The following RAP1GDS1 variants were observed in gnomAD, a reference collection of about 807,000 sequenced individuals.
RAP1GDS1 encodes Rap1 GTPase-GDP dissociation stimulator 1.
Under a neutral mutation model 71.1 loss-of-function variants are expected in RAP1GDS1, and 35 were observed. The observed-to-expected ratio is 0.49, with a 90% confidence interval of 0.38 to 0.65. The LOEUF is 0.65. Ranked by LOEUF, RAP1GDS1 falls within the 30% of genes least tolerant of loss-of-function variation. The pLI is 0.00. For missense variants in RAP1GDS1, 663 were observed against 706.1 expected (o/e 0.94, Z 0.69); for synonymous variants, 229 against 243.1 (o/e 0.94, Z 0.54).
intron 1 of RAP1GDS1, among the ~76,000 whole-genome samples, chr4:98,281,972 G>A (rs574901639): frequency 6.6e-6 from 1 of 152,288 alleles, no homozygotes; most frequent in South Asian, 2.1e-4. Context: ...GTTGATCGTG[G>A]TAGGTAAGCT....
At chr4:98,327,143 G>A (rs577164912) in intron 2 of RAP1GDS1, among the ~76,000 whole-genome samples, 1 of 151,928 alleles carries the variant, frequency 6.6e-6, no homozygotes, top group East Asian at 1.9e-4. Flanking sequence ...TATACAAATT[G>A]TAACATTTTT....
At chr4:98,390,950 G>T (rs1366116294) in intron 5 of RAP1GDS1, among the ~76,000 whole-genome samples, 2 of 152,014 alleles carry the variant, frequency 1.3e-5, no homozygotes, top group Non-Finnish European at 2.9e-5. Context: ...AAAAGAATTT[G>T]GGGAAAATTA....
intron 6 of RAP1GDS1, among the ~76,000 whole-genome samples, chr4:98,402,492 G>T (rs1745572681): frequency 6.6e-6 from 1 of 151,676 alleles, no homozygotes; most frequent in African/African-American, 2.4e-5. Flanking sequence ...TTCCCCCTTG[G>T]CATGTGAAGT....
intron 1 of RAP1GDS1, 29 bp downstream of exon 1, chr4:98,261,598 C>T: frequency 1.3e-6 from 2 of 1,596,490 alleles, no homozygotes; most frequent in Middle Eastern, 1.7e-4. Flanking sequence ...GCCGTCATCG[C>T]CTGACATTTT....
At chr4:98,305,890 A>C (rs1194621302) in intron 2 of RAP1GDS1, among the ~76,000 whole-genome samples, 3 of 152,220 alleles carry the variant, frequency 2.0e-5, no homozygotes, top group African/African-American at 7.2e-5. Flanking sequence ...GAAAATGTGT[A>C]AGAGAGAAAT....
chr4:98,383,044 C>G (rs1742235489), intron 5 of RAP1GDS1, among the ~76,000 whole-genome samples: 1 of 151,608 alleles, frequency 6.6e-6, no homozygotes, highest in African/African-American at 2.4e-5. Flanking sequence ...AACCAGTGAT[C>G]TAAAGCAAAG....
chr4:98,261,622 G>C, intron 1 of RAP1GDS1, 53 bp downstream of exon 1: 14 of 1,566,046 alleles, frequency 8.9e-6, no homozygotes, highest in Non-Finnish European at 1.1e-5. Flanking sequence ...CTTTCTCGGC[G>C]TGCTGCAGGG....
chr4:98,291,829 T>A (rs913632839), intron 1 of RAP1GDS1, among the ~76,000 whole-genome samples: 5 of 152,144 alleles, frequency 3.3e-5, no homozygotes, highest in Admixed American at 6.6e-5. Context: ...CTTAATCAGA[T>A]AAATCAGATA....
At chr4:98,322,373 T>A in intron 2 of RAP1GDS1, among the ~76,000 whole-genome samples, 1 of 102,248 alleles carries the variant, frequency 9.8e-6, no homozygotes, top group Non-Finnish European at 2.0e-5. Context: ...AGACAGAAAG[T>A]CAACAAGGAT....
chr4:98,262,871 G>C (rs1029510663), intron 1 of RAP1GDS1, among the ~76,000 whole-genome samples: 1 of 152,198 alleles, frequency 6.6e-6, no homozygotes, highest in African/African-American at 2.4e-5. Flanking sequence ...CATATATCTG[G>C]AAGAGGCCAG....
chr4:98,300,558 C>G (rs760114244), intron 2 of RAP1GDS1, among the ~76,000 whole-genome samples: 5 of 152,038 alleles, frequency 3.3e-5, no homozygotes, highest in Admixed American at 6.6e-5. Flanking sequence ...CACCACCACA[C>G]CCAGCTAATT....
chr4:98,267,741 C>A (rs1049631624), intron 1 of RAP1GDS1, among the ~76,000 whole-genome samples: 2 of 152,086 alleles, frequency 1.3e-5, no homozygotes, highest in Non-Finnish European at 2.9e-5. Flanking sequence ...TTTATCCAAT[C>A]CACTATTGAT....
intron 2 of RAP1GDS1, among the ~76,000 whole-genome samples, chr4:98,335,865 A>G (rs1734649659): frequency 6.7e-6 from 1 of 149,346 alleles, no homozygotes; most frequent in South Asian, 2.1e-4. Context: ...ATTTTATATC[A>G]TACTTGTATA....
chr4:98,388,990 G>T (rs997265534), intron 5 of RAP1GDS1, among the ~76,000 whole-genome samples: 6 of 152,068 alleles, frequency 3.9e-5, no homozygotes, highest in African/African-American at 1.4e-4. Context: ...AAAAATTGCT[G>T]CAAAGAATAG....
chr4:98,310,951 C>G (rs1437662751), intron 2 of RAP1GDS1, among the ~76,000 whole-genome samples: 1 of 151,224 alleles, frequency 6.6e-6, no homozygotes, highest in Non-Finnish European at 1.5e-5. Context: ...ATGGCTCACA[C>G]AAATGCTTCT....
At chr4:98,365,783 T>C (rs917803861) in intron 4 of RAP1GDS1, among the ~76,000 whole-genome samples, 1 of 152,214 alleles carries the variant, frequency 6.6e-6, no homozygotes, top group South Asian at 2.1e-4. Flanking sequence ...CTTTTAAATA[T>C]CTCTATTGGC....
At chr4:98,287,426 G>A (rs144170965) in intron 1 of RAP1GDS1, among the ~76,000 whole-genome samples, 251 of 152,204 alleles carry the variant, frequency 1.6e-3, no homozygotes, top group Middle Eastern at 0.01. Context: ...ATGAAATCTT[G>A]TAATGAATTA....
At chr4:98,412,410 G>C (rs1747207439) in intron 7 of RAP1GDS1, among the ~76,000 whole-genome samples, 1 of 152,148 alleles carries the variant, frequency 6.6e-6, no homozygotes, top group Non-Finnish European at 1.5e-5. Context: ...AGCTACTCAG[G>C]AGGCTGAGAT....
chr4:98,296,349 A>C (rs1217050187), intron 2 of RAP1GDS1, among the ~76,000 whole-genome samples: 2 of 152,078 alleles, frequency 1.3e-5, no homozygotes, highest in Admixed American at 1.3e-4. Flanking sequence ...TGTAATCTGA[A>C]ATTAGAATTT....
Sources: gnomAD v4.1 joint callset for allele counts (sites outside exome capture counted in the v4.1 genomes callset) on GRCh38, gnomAD v4.1.1 for gene constraint, MANE v1.5 for transcripts, NCBI Gene and HGNC (gene_info 2026-07-23, HGNC 2026-07-21) for gene names.